UBL3: variants seen among roughly 807,000 people sequenced by gnomAD.
UBL3 encodes ubiquitin like 3.
Under a neutral mutation model 18.4 loss-of-function variants are expected in UBL3, and 6 were observed. That is an observed-to-expected ratio of 0.33 (90% CI 0.18 to 0.64). UBL3 has a LOEUF of 0.64. Ranked by LOEUF, UBL3 falls within the 30% of genes least tolerant of loss-of-function variation. The pLI is 0.76. For synonymous variants in UBL3, 49 were observed against 46.6 expected, an observed-to-expected ratio of 1.05 and a Z score of -0.21; for missense variants, 109 against 142.9, an observed-to-expected ratio of 0.76 and a Z score of 1.21.
Position 29,815,708 on chromosome 13 carries a change from C to T in UBL3, c.27+33804G>A, listed in dbSNP as rs1054968399. Among the ~76,000 whole-genome samples the T allele has an allele frequency of 7.9e-5, 12 of 152,038 alleles. 1 individual carries two copies. Among genetic ancestry groups the T allele is most frequent in the Non-Finnish European group, 1.6e-4 (11 of 68,006 alleles). ...TGCCTAAAAATCTATCTAAAAGTTA[C>T]CAGATGAGTGGGTTTCCATGTCATT... On this transcript the variant is annotated intron_variant, in intron 1 of 4. Transcript: ENST00000380680.
chr13:29,829,091 G>A (rs1305563068), intron 1 of UBL3, among the ~76,000 whole-genome samples: 1 of 152,064 alleles, frequency 6.6e-6, no homozygotes, highest in Admixed American at 6.6e-5. Flanking sequence ...CCCTACTAGG[G>A]GGTGCCTCCC....
intron 1 of UBL3, among the ~76,000 whole-genome samples, chr13:29,783,096 A>C (rs1877220901): frequency 6.6e-6 from 1 of 152,260 alleles, no homozygotes; most frequent in South Asian, 2.1e-4. Flanking sequence ...TGAGTGGCAT[A>C]GTATGTAGAA....
intron 1 of UBL3, among the ~76,000 whole-genome samples, chr13:29,815,662 T>C (rs1405145867): frequency 6.6e-6 from 1 of 152,160 alleles, no homozygotes; most frequent in Admixed American, 6.6e-5. Flanking sequence ...TTTAGGGAAA[T>C]TCTCAGTGTG....
rs751013060 is a variant in UBL3 at position 29,849,558 on chromosome 13, C to T, written c.-20G>A. 1.1e-5 allele frequency: 17 copies of T among 1,613,542 alleles called. No individual in the cohort carries two copies. The highest frequency in any genetic ancestry group is 1.4e-5 in the Non-Finnish European group (17 of 1,180,006). ...GGACATCTTGCCGTTTGATATACAC[C>T]CAGATGTTTACGAAAAAAACAAACA... On this transcript the variant is annotated 5_prime_UTR_variant, in exon 1 of 5. Coordinates refer to ENST00000380680, the MANE Select transcript of UBL3 (RefSeq NM_007106.4).
intron 1 of UBL3, among the ~76,000 whole-genome samples, chr13:29,804,830 C>A (rs1476519131): frequency 6.6e-6 from 1 of 152,182 alleles, no homozygotes; most frequent in East Asian, 1.9e-4. Flanking sequence ...AAACTTTTCA[C>A]ATTTTTCCAA....
chr13:29,840,341 T>C (rs1448612962), intron 1 of UBL3, among the ~76,000 whole-genome samples: 1 of 152,108 alleles, frequency 6.6e-6, no homozygotes, highest in East Asian at 1.9e-4. Flanking sequence ...ACTGACGAAA[T>C]ACAATCAATA....
At chr13:29,821,874 T>C (rs115600283) in intron 1 of UBL3, among the ~76,000 whole-genome samples, 168 of 152,268 alleles carry the variant, frequency 1.1e-3, no homozygotes, top group African/African-American at 3.9e-3. Context: ...TCAAGGAACA[T>C]AGATGAAATT....
At chr13:29,807,480 C>G (rs1490056827) in intron 1 of UBL3, among the ~76,000 whole-genome samples, 3 of 152,152 alleles carry the variant, frequency 2.0e-5, no homozygotes, top group Non-Finnish European at 4.4e-5. Context: ...TCTTTGTTTT[C>G]TGCTCTCCAC....
chr13:29,824,549 TG>T, intron 1 of UBL3, among the ~76,000 whole-genome samples: 1 of 152,322 alleles, frequency 6.6e-6, no homozygotes, highest in South Asian at 2.1e-4. Context: ...CACTTGTTGC[TG>T]GGGTTGTTTT....
chr13:29,785,876 C>T (rs962719852), intron 1 of UBL3, among the ~76,000 whole-genome samples: 1 of 152,054 alleles, frequency 6.6e-6, no homozygotes, highest in Non-Finnish European at 1.5e-5. Flanking sequence ...ATTGTAAGTG[C>T]TTGATAAATA....
intron 1 of UBL3, among the ~76,000 whole-genome samples, chr13:29,846,406 C>T (rs1368936696): frequency 6.6e-6 from 1 of 151,976 alleles, no homozygotes; most frequent in Admixed American, 6.5e-5. Flanking sequence ...TTAAAGGGTA[C>T]AGCAAATCCA....
chr13:29,788,880 CGCGCACGCGCACGTGTGT>C (rs1161943140), intron 1 of UBL3, among the ~76,000 whole-genome samples: 3 of 28,360 alleles, frequency 1.1e-4, no homozygotes, highest in East Asian at 1.3e-3. Context: ...TGCGCGCGCG[CGCGCACGCGCACGTGTGT>C]GCGTGTGTGT....
intron 1 of UBL3, among the ~76,000 whole-genome samples, chr13:29,806,629 C>T (rs1877905577): frequency 1.3e-5 from 2 of 152,168 alleles, no homozygotes; most frequent in South Asian, 2.1e-4. Flanking sequence ...CAGTCTAACA[C>T]CTTCTTAAAT....
At chr13:29,792,949 CATT>C (rs990866700) in intron 1 of UBL3, among the ~76,000 whole-genome samples, 3 of 152,124 alleles carry the variant, frequency 2.0e-5, no homozygotes, top group African/African-American at 7.2e-5. Flanking sequence ...TTAACATAAT[CATT>C]AAGTGCTATT....
chr13:29,809,660 A>G (rs1877987953), intron 1 of UBL3, among the ~76,000 whole-genome samples: 1 of 152,106 alleles, frequency 6.6e-6, no homozygotes, highest in African/African-American at 2.4e-5. Context: ...TGAGATGACA[A>G]AAGCCTGGAC....
Position 29,767,627 on chromosome 13 carries a change from T to A in UBL3, c.292A>T (p.Asn98Tyr), listed in dbSNP as rs758993924. Residue 98 changes from asparagine (N) to tyrosine (Y), a missense_variant, in exon 4 of 5, where the codon AAC (asparagine) becomes TAC (tyrosine). By Grantham distance (143) the Asn-to-Tyr change is moderately radical (BLOSUM62 -2). Coordinates refer to ENST00000380680, the MANE Select transcript of UBL3 (RefSeq NM_007106.4). ...LVARETLPEP[N>Y]SQGQRNREKT... ...CCAGTGCATGGCTTACCTTGAGAGT[T>A]TGGCTCTGGTAATGTCTCTCTGGCC... The A allele has an allele frequency of 6.2e-7, 1 of 1,612,932 alleles. No individual in the cohort carries two copies. The highest frequency in any genetic ancestry group is 8.5e-7 in the Non-Finnish European group (1 of 1,179,212).
At chr13:29,836,986 C>A (rs1878975422) in intron 1 of UBL3, among the ~76,000 whole-genome samples, 1 of 152,234 alleles carries the variant, frequency 6.6e-6, no homozygotes, top group Non-Finnish European at 1.5e-5. Flanking sequence ...TAGCTAAGGG[C>A]TATACACCAG....
At position 29,850,585 on chromosome 13, in the gene UBL3, AGCG is replaced by A. The variant is rs761240816; in HGVS notation, c.-1050_-1048del. Reference sequence around the variant, plus strand: ...TCGCCTCTCAAACCAACATGGCGGCAGCGGCGGCGGCGGCGGCTGCCTGAGTGC... The same window carrying A: ...TCGCCTCTCAAACCAACATGGCGGCAGCGGCGGCGGCGGCTGCCTGAGTGC... On this transcript the variant is annotated 5_prime_UTR_variant, in exon 1 of 5. Coordinates refer to ENST00000380680, the MANE Select transcript of UBL3 (RefSeq NM_007106.4). The A allele has an allele frequency of 1.7e-4, 26 of 155,802 alleles. No individual in the cohort carries two copies. Among genetic ancestry groups the A allele is most frequent in the Non-Finnish European group, 3.1e-4 (22 of 71,194 alleles). The allele number at this position is 155,802 out of a possible 1,614,324, so 9.7% of individuals were successfully genotyped here.
At chr13:29,829,487 C>T (rs943128322) in intron 1 of UBL3, among the ~76,000 whole-genome samples, 2 of 151,982 alleles carry the variant, frequency 1.3e-5, no homozygotes, top group African/African-American at 4.8e-5. Flanking sequence ...ACCCTCCAAG[C>T]CAGGCGCGGG....
Sources: allele counts gnomAD v4.1 joint callset (sites outside exome capture counted in the v4.1 genomes callset), GRCh38; gene constraint gnomAD v4.1.1; transcripts MANE v1.5; gene names NCBI Gene and HGNC (gene_info 2026-07-23, HGNC 2026-07-21).